KCNJ8: variants seen among roughly 807,000 people sequenced by gnomAD.
KCNJ8 encodes the protein potassium inwardly rectifying channel subfamily J member 8.
In KCNJ8, 13 loss-of-function variants were observed where a neutral mutation model predicts 28.2. The observed-to-expected ratio is 0.46, with a 90% CI of 0.30 to 0.73. The LOEUF (loss-of-function observed/expected upper bound fraction) is 0.73. KCNJ8 is among the 30% of genes least tolerant of loss of function. KCNJ8 has a pLI of 0.07. For synonymous variants in KCNJ8, 188 were observed against 195.9 expected (o/e 0.96, Z 0.34); for missense variants, 284 against 542.6 (o/e 0.52, Z 4.73).
chr12:21,773,371 G>A lies in KCNJ8; in HGVS notation c.246C>T (p.Cys82=). Residue 82 remains cysteine, a synonymous_variant, in exon 2 of 3, where the codon TGC becomes TGT. Coordinates refer to ENST00000240662, the MANE Select transcript of KCNJ8 (RefSeq NM_004982.4). This position sits in a 1 kb window ranked among gnomAD's most constrained non-coding sequence, Gnocchi z 4.6. ...TLVIFTMSFL[C]SWLLFAIMWW... ...ACATGATAGCGAAGAGCAGCCAGCTGCAGAGGAAGGACATGGTAAAGATGA... is the reference window on the plus strand; with the variant it reads ...ACATGATAGCGAAGAGCAGCCAGCTACAGAGGAAGGACATGGTAAAGATGA... 1 of 1,614,286 alleles carries A rather than the reference G, an allele frequency of 6.2e-7. No individual in the cohort carries two copies. The highest frequency in any genetic ancestry group is 1.1e-5 in the South Asian group (1 of 91,092).
chr12:21,768,069 T>C (rs760689436), intron 2 of KCNJ8, among the ~76,000 whole-genome samples: 4 of 151,992 alleles, frequency 2.6e-5, no homozygotes, highest in Non-Finnish European at 1.5e-5. Context: ...GGGAAATGGT[T>C]TCGAGATGAA....
Position 21,766,356 on chromosome 12 carries a change from G to A in KCNJ8, c.642C>T (p.Asp214=), listed in dbSNP as rs2137047449. ...CACTAATGATCATGCTTTTCCTCAG[G>A]TCACCCACTCGGAACATGAAGCACA... is the stretch of plus-strand genomic sequence containing the variant. ...GKLCFMFRVG[D]LRKSMIISAS... The change falls in exon 3 of 3, where the codon GAC becomes GAT. Residue 214 remains aspartate, a synonymous_variant. Coordinates refer to ENST00000240662, the MANE Select transcript of KCNJ8 (RefSeq NM_004982.4). The surrounding 1 kb of genome is among the most constrained non-coding windows in gnomAD (Gnocchi z 6.5). 6.2e-7 allele frequency: 1 copy of A among 1,614,112 alleles called. No homozygotes were observed. The highest frequency in any genetic ancestry group is 8.5e-7 in the Non-Finnish European group (1 of 1,180,022).
intron 2 of KCNJ8, among the ~76,000 whole-genome samples, chr12:21,770,166 G>GAGC (rs906854085): frequency 2.6e-5 from 4 of 152,070 alleles, no homozygotes; most frequent in African/African-American, 9.7e-5. Context: ...CCCCAACCTT[G>GAGC]AGCAACCACT....
rs139304559 is a variant in KCNJ8 at position 21,766,491 on chromosome 12, G to A, written c.507C>T (p.Ile169=). ...LILQNIVGLI[I]NAVMLGCIFM... ...AAATGCAGCCTAACATGACTGCATT[G>A]ATGATCAAACCCACAATATTCTGGA... The change falls in exon 3 of 3, where the codon ATC becomes ATT. Residue 169 remains isoleucine, a synonymous_variant. Coordinates refer to ENST00000240662, the MANE Select transcript of KCNJ8 (RefSeq NM_004982.4). The surrounding 1 kb of genome is among the most constrained non-coding windows in gnomAD (Gnocchi z 6.5). 956 of 1,613,994 alleles carry A rather than the reference G, an allele frequency of 5.9e-4. 1 individual carries two copies. The highest frequency in any genetic ancestry group is 6.5e-4 in the Non-Finnish European group (767 of 1,179,986).
rs1226954375 is a variant in KCNJ8 at position 21,766,790 on chromosome 12, A to T, written c.375-167T>A. 6.1e-6 allele frequency: 4 copies of T among 654,612 alleles called. No homozygotes were observed. Among genetic ancestry groups the T allele is most frequent in the Non-Finnish European group, 5.4e-6 (2 of 367,826 alleles). 40.6% of individuals were successfully genotyped at this position (654,612 alleles called of 1,614,324 possible). The stretch of plus-strand genomic sequence containing the variant: ...CCTAATTCTAAACTGTGTTTAGAAC[A>T]GTCTCTCTCTCTCTTGCATGCATCT... On this transcript the variant is annotated intron_variant, in intron 2 of 2. Coordinates refer to ENST00000240662, the MANE Select transcript of KCNJ8 (RefSeq NM_004982.4). The surrounding 1 kb of genome is among the most constrained non-coding windows in gnomAD (Gnocchi z 6.5).
At position 21,773,751 on chromosome 12, in the gene KCNJ8, G is replaced by T; in HGVS notation, c.-70-65C>A. The T allele has an allele frequency of 8.2e-7, 1 of 1,217,068 alleles. No individual in the cohort carries two copies. Among genetic ancestry groups the T allele is most frequent in the Non-Finnish European group, 1.2e-6 (1 of 843,850 alleles). 75.4% of individuals were successfully genotyped at this position (1,217,068 alleles called of 1,614,324 possible). A position where few individuals can be genotyped will look rare whatever the true frequency, so the allele number is the denominator to read the frequency against. On this transcript the variant is annotated intron_variant, in intron 1 of 2. Coordinates refer to ENST00000240662, the MANE Select transcript of KCNJ8 (RefSeq NM_004982.4). This position sits in a 1 kb window ranked among gnomAD's most constrained non-coding sequence, Gnocchi z 4.6. Reference sequence around the variant, plus strand: ...CCCTATCCTCACCTCTTGGGTCCTTGTATTCAAGGATATGTCTGTACATGT... The same window carrying T: ...CCCTATCCTCACCTCTTGGGTCCTTTTATTCAAGGATATGTCTGTACATGT...
rs543357399 is a variant in KCNJ8 at position 21,773,074 on chromosome 12, T to C, written c.374+169A>G. ...TCTCCATAAAGCTGCATTTAAAAAA[T>C]ACTTACTGTGTTAGGTGTTGTTCTT... On this transcript the variant is annotated intron_variant, in intron 2 of 2. Coordinates refer to ENST00000240662, the MANE Select transcript of KCNJ8 (RefSeq NM_004982.4). The surrounding 1 kb of genome is among the most constrained non-coding windows in gnomAD (Gnocchi z 4.6). Among the ~76,000 whole-genome samples, 1 of 152,262 alleles carries C rather than the reference T, an allele frequency of 6.6e-6. No homozygotes were observed. The highest frequency in any genetic ancestry group is 1.5e-5 in the Non-Finnish European group (1 of 68,042).
Position 21,766,818 on chromosome 12 carries a change from C to T in KCNJ8, c.375-195G>A. 1 of 607,070 alleles carries T rather than the reference C, an allele frequency of 1.6e-6. No individual in the cohort carries two copies. The allele number at this position is 607,070 out of a possible 1,614,324, so 37.6% of individuals were successfully genotyped here. On this transcript the variant is annotated intron_variant, in intron 2 of 2. Transcript: ENST00000240662. The surrounding 1 kb of genome is among the most constrained non-coding windows in gnomAD (Gnocchi z 6.5). ...CTCTCTCTCTCTTGCATGCATCTAC[C>T]TCCAGACTTCTGGAGATTAACATTC...
chr12:21,766,756 T>C lies in KCNJ8; in HGVS notation c.375-133A>G, dbSNP rs1940632439. 7.9e-6 allele frequency: 6 copies of C among 757,298 alleles called. No homozygotes were observed. In the East Asian group the frequency reaches 1.6e-4, roughly 20 times the overall value. The allele number at this position is 757,298 out of a possible 1,614,324, so 46.9% of individuals were successfully genotyped here. ...GCAGAAAGACTAGCCAACTTAAACT[T>C]GTAAAATGCCTAATTCTAAACTGTG... On this transcript the variant is annotated intron_variant, in intron 2 of 2. Coordinates refer to ENST00000240662, the MANE Select transcript of KCNJ8 (RefSeq NM_004982.4). This position sits in a 1 kb window ranked among gnomAD's most constrained non-coding sequence, Gnocchi z 6.5.
Position 21,765,843 on chromosome 12 carries a change from G to A in KCNJ8, c.1155C>T (p.Ser385=), listed in dbSNP as rs1305044631. The change falls in exon 3 of 3, where the codon TCC becomes TCT. Residue 385 remains serine, a synonymous_variant. Coordinates refer to ENST00000240662, the MANE Select transcript of KCNJ8 (RefSeq NM_004982.4). ...TCCTCATGGAATTGTTTCTTCTCAT[G>A]GAGTTGCGCTTCCTCAGAGAATTTT... ...SHQNSLRKRN[S]MRRNNSMRRN... is the part of the protein sequence containing the mutation. The A allele has an allele frequency of 4.3e-6, 7 of 1,613,998 alleles. No individual in the cohort carries two copies. The East Asian group carries it at 1.6e-4, about 36-fold the overall frequency.
chr12:21,769,552 C>T (rs557839314), intron 2 of KCNJ8, among the ~76,000 whole-genome samples: 23 of 152,242 alleles, frequency 1.5e-4, no homozygotes, highest in African/African-American at 5.1e-4. Context: ...AAGGCTATTG[C>T]TGACATAGAT....
intron 2 of KCNJ8, among the ~76,000 whole-genome samples, chr12:21,772,573 T>C (rs1165142413): frequency 6.6e-6 from 1 of 152,228 alleles, no homozygotes; most frequent in Non-Finnish European, 1.5e-5. Context: ...CAAAATTAAA[T>C]TGCTTCTATA....
At chr12:21,772,689 G>T (rs1426984021) in intron 2 of KCNJ8, among the ~76,000 whole-genome samples, 1 of 152,146 alleles carries the variant, frequency 6.6e-6, no homozygotes, top group Non-Finnish European at 1.5e-5. Context: ...CAAGCAATCA[G>T]CTATGTTATG....
chr12:21,765,158 T>A lies in KCNJ8; in HGVS notation c.*565A>T. ...AGATGGACCAGGAAACCTTCAGGAG[T>A]CACCGACAGACAAAGCGAATGAACT... On this transcript the variant is annotated 3_prime_UTR_variant, in exon 3 of 3. Transcript: ENST00000240662. The A allele has an allele frequency of 5.8e-6, 1 of 172,232 alleles. No individual in the cohort carries two copies. The highest frequency in any genetic ancestry group is 5.6e-5 in the Admixed American group (1 of 17,738). 10.7% of individuals were successfully genotyped at this position (172,232 alleles called of 1,614,324 possible).
In KCNJ8 at chr12:21,766,930, G is replaced by A. The variant is rs1018970017; in HGVS notation, c.375-307C>T. ...GGTCACATAGTGATGGGCCTAATTT[G>A]TGTAAAAGATTAATATATTTTCATA... On this transcript the variant is annotated intron_variant, in intron 2 of 2. Transcript: ENST00000240662. The surrounding 1 kb of genome is among the most constrained non-coding windows in gnomAD (Gnocchi z 6.5). Among the ~76,000 whole-genome samples, 1 of 152,030 alleles carries A rather than the reference G, an allele frequency of 6.6e-6. No homozygotes were observed. The highest frequency in any genetic ancestry group is 1.5e-5 in the Non-Finnish European group (1 of 67,996).
In KCNJ8 at chr12:21,773,498, C is replaced by G. The variant is rs372068027; in HGVS notation, c.119G>C (p.Ser40Thr). Residue 40 changes from serine to threonine, a missense_variant, in exon 2 of 3, where the codon AGC becomes ACC. Around this residue, in one of 8 missense-constraint regions of KCNJ8, gnomAD observed 54 missense variants for 77.5 expected, o/e 0.70. Transcript: ENST00000240662. This position sits in a 1 kb window ranked among gnomAD's most constrained non-coding sequence, Gnocchi z 4.6. ...CTTATGCGCCAGGTTGCAGGCCCCG[C>G]TCTTGGCGATGAAGCGGGCTTTGGG... The part of the protein sequence containing the change: ...RLPKARFIAK[S>T]GACNLAHKNI... 9 of 1,614,148 alleles carry G rather than the reference C, an allele frequency of 5.6e-6. No individual in the cohort carries two copies. The highest frequency in any genetic ancestry group is 6.8e-6 in the Non-Finnish European group (8 of 1,180,054).
chr12:21,773,722 C>G lies in KCNJ8; in HGVS notation c.-70-36G>C. On this transcript the variant is annotated intron_variant, in intron 1 of 2. Transcript: ENST00000240662. The surrounding 1 kb of genome is among the most constrained non-coding windows in gnomAD (Gnocchi z 4.6). The stretch of plus-strand genomic sequence containing the variant: ...GAAACATTTATTAAAAACTTAAAAA[C>G]CCACCCTATCCTCACCTCTTGGGTC... 1 of 1,481,104 alleles carries G rather than the reference C, an allele frequency of 6.8e-7. No individual in the cohort carries two copies. 91.7% of individuals were successfully genotyped at this position (1,481,104 alleles called of 1,614,324 possible).
Position 21,765,540 on chromosome 12 carries a change from A to T in KCNJ8, c.*183T>A. ...TGTATGAAACAAGCATAAGCCATGA[A>T]TCCTCCACTTGGTGTGTTACTTTTT... On this transcript the variant is annotated 3_prime_UTR_variant, in exon 3 of 3. Coordinates refer to ENST00000240662, the MANE Select transcript of KCNJ8 (RefSeq NM_004982.4). The T allele has an allele frequency of 1.5e-6, 1 of 648,324 alleles. No homozygotes were observed. Among genetic ancestry groups the T allele is most frequent in the East Asian group, 2.7e-5 (1 of 36,656 alleles). 40.2% of individuals were successfully genotyped at this position (648,324 alleles called of 1,614,324 possible).
chr12:21,767,355 G>T (rs1015491162), intron 2 of KCNJ8, among the ~76,000 whole-genome samples: 2 of 132,112 alleles, frequency 1.5e-5, no homozygotes, highest in South Asian at 5.0e-4. Context: ...CTGGTCCATG[G>T]CTTGTCAGGA....
Sources: gnomAD v4.1 joint callset for allele counts (sites outside exome capture counted in the v4.1 genomes callset) on GRCh38, gnomAD v4.1.1 for gene constraint, gnomAD v4.1.1 regional missense constraint, Gnocchi (gnomAD v3.1) non-coding constraint, MANE v1.5 for transcripts, NCBI Gene and HGNC (gene_info 2026-07-23, HGNC 2026-07-21) for gene names.